The following USH2A variants were observed in gnomAD, a reference collection of about 807,000 sequenced individuals.
The protein encoded by USH2A is Usher syndrome 2A (autosomal recessive, mild).
A neutral mutation model predicts 538.9 loss-of-function variants in USH2A; 443 were observed. The observed-to-expected ratio is 0.82, with a 90% CI of 0.76 to 0.89. The LOEUF (loss-of-function observed/expected upper bound fraction) is 0.89, where lower values mean the gene tolerates loss of function less well. Among genes scored for constraint, USH2A ranks in the 40% least tolerant of loss-of-function variants. USH2A has a pLI of 0.00. For synonymous variants in USH2A, 2,413 were observed against 2,273.5 expected (o/e 1.06, Z -1.75); for missense variants, 6,633 against 6,324.8 (o/e 1.05, Z -1.65).
intron 38 of USH2A, among the ~76,000 whole-genome samples, chr1:215,933,085 A>T (rs1666404229): frequency 6.6e-6 from 1 of 152,036 alleles, no homozygotes; most frequent in Non-Finnish European, 1.5e-5. Context: ...TTTAATCAGT[A>T]TAAATACCCT....
intron 21 of USH2A, among the ~76,000 whole-genome samples, chr1:216,168,885 C>G (rs1184459705): frequency 6.6e-6 from 1 of 151,994 alleles, no homozygotes; most frequent in Non-Finnish European, 1.5e-5. Context: ...ATTTCATGTC[C>G]GACCCAACCA....
At chr1:215,899,463 T>A (rs1665435504) in intron 40 of USH2A, among the ~76,000 whole-genome samples, 1 of 152,232 alleles carries the variant, frequency 6.6e-6, no homozygotes, top group Admixed American at 6.5e-5. Context: ...AATGTTATAG[T>A]CATGTATTTA....
chr1:216,001,361 T>G (rs1668262596), intron 32 of USH2A, among the ~76,000 whole-genome samples: 1 of 152,152 alleles, frequency 6.6e-6, no homozygotes. Flanking sequence ...ACCATGAGAC[T>G]AGGGTAGTGC....
chr1:216,339,376 C>T (rs1195042001), intron 4 of USH2A, among the ~76,000 whole-genome samples: 2 of 151,470 alleles, frequency 1.3e-5, no homozygotes, highest in Non-Finnish European at 3.0e-5. Flanking sequence ...TTTGAAATAG[C>T]CAATGTTTGA....
chr1:215,938,603 G>C (rs539365629), intron 37 of USH2A, among the ~76,000 whole-genome samples: 1 of 152,114 alleles, frequency 6.6e-6, no homozygotes, highest in Admixed American at 6.6e-5. Flanking sequence ...GACCATTCCT[G>C]TCTGGTTGGC....
chr1:215,661,933 C>T (rs962979472), intron 64 of USH2A, among the ~76,000 whole-genome samples: 4 of 152,136 alleles, frequency 2.6e-5, no homozygotes, highest in Admixed American at 1.3e-4. Flanking sequence ...CAAACATCAA[C>T]GTTCCTAGCC....
At chr1:216,260,921 G>GA (rs929936815) in intron 11 of USH2A, among the ~76,000 whole-genome samples, 49 of 152,204 alleles carry the variant, frequency 3.2e-4, no homozygotes, top group Non-Finnish European at 5.9e-4. Flanking sequence ...GAAACTGGCA[G>GA]AAAAATACTA....
chr1:216,077,210 T>C (rs1378635798), intron 27 of USH2A, among the ~76,000 whole-genome samples: 1 of 152,170 alleles, frequency 6.6e-6, no homozygotes, highest in Non-Finnish European at 1.5e-5. Context: ...CAGATATTGT[T>C]AGCCTTTTCA....
At chr1:216,079,407 T>C (rs1344112225) in intron 26 of USH2A, among the ~76,000 whole-genome samples, 3 of 152,088 alleles carry the variant, frequency 2.0e-5, no homozygotes, top group Admixed American at 2.0e-4. Flanking sequence ...TTTTGCTCCC[T>C]GGAAATTGGG....
chr1:215,895,457 G>A (rs1203365284), intron 40 of USH2A, among the ~76,000 whole-genome samples: 1 of 152,164 alleles, frequency 6.6e-6, no homozygotes, highest in Admixed American at 6.5e-5. Flanking sequence ...TGATGAATGT[G>A]TAGAATTATG....
intron 37 of USH2A, among the ~76,000 whole-genome samples, chr1:215,950,567 C>T (rs565149362): frequency 1.4e-3 from 198 of 146,258 alleles, no homozygotes; most frequent in Non-Finnish European, 2.4e-3. Flanking sequence ...GGTGCAATGG[C>T]GTGATCTTGG....
At chr1:215,816,131 T>C (rs1662852493) in intron 48 of USH2A, among the ~76,000 whole-genome samples, 1 of 152,062 alleles carries the variant, frequency 6.6e-6, no homozygotes. Flanking sequence ...AGTATTTTTC[T>C]TCTCAGAAAT....
At chr1:215,780,117 T>G (rs1661587132) in intron 54 of USH2A, 76 bp from the exon 55 acceptor site, 2 of 1,510,626 alleles carry the variant, frequency 1.3e-6, no homozygotes, top group Non-Finnish European at 1.8e-6. Context: ...ATGTCACTTT[T>G]GTTTTAAAAT....
chr1:216,233,784 T>C (rs114837292), intron 13 of USH2A, among the ~76,000 whole-genome samples: 30 of 152,268 alleles, frequency 2.0e-4, no homozygotes, highest in Non-Finnish European at 2.9e-4. Flanking sequence ...TTAACTGTTA[T>C]AGAATTAGAA....
chr1:215,661,874 GA>G lies in USH2A; in HGVS notation c.14133+9097del, dbSNP rs201303731. Among the ~76,000 whole-genome samples the G allele has an allele frequency of 2.2e-3, 330 of 152,224 alleles. 3 individuals are homozygous for G. In the East Asian group the frequency reaches 0.025, roughly 12 times the overall value. ...AAATCGTGCTGTCCCTGAAGATAAA[GA>G]AGCTGCTTCTTCCTCCCTGGGTCTG... On this transcript the variant is annotated intron_variant, in intron 64 of 71. Transcript: ENST00000307340.
intron 44 of USH2A, among the ~76,000 whole-genome samples, chr1:215,853,248 G>T (rs115389838): frequency 0.012 from 1,798 of 152,328 alleles, 41 homozygotes; most frequent in African/African-American, 0.041. Flanking sequence ...CTTGGGGGTT[G>T]CACCCTCTGA....
At position 215,741,362 on chromosome 1, in the gene USH2A, C is replaced by A; in HGVS notation, c.11711+13G>T. Reference sequence around the variant, plus strand: ...CTTAAATAACTAAAAATAATAGTAACAGCCAATCTTACCTGTAAATAAAGT... The same window carrying A: ...CTTAAATAACTAAAAATAATAGTAAAAGCCAATCTTACCTGTAAATAAAGT... On this transcript the variant is annotated intron_variant, in intron 60 of 71. Transcript: ENST00000307340. 1 of 1,612,900 alleles carries A rather than the reference C, an allele frequency of 6.2e-7. No individual in the cohort carries two copies. Among genetic ancestry groups the A allele is most frequent in the Non-Finnish European group, 8.5e-7 (1 of 1,179,266 alleles).
intron 11 of USH2A, among the ~76,000 whole-genome samples, chr1:216,260,845 C>T (rs1244061553): frequency 6.6e-6 from 1 of 152,102 alleles, no homozygotes; most frequent in African/African-American, 2.4e-5. Flanking sequence ...CTCCCCTTTA[C>T]CACCACAACT....
chr1:216,415,616 G>A (rs1224498705), intron 3 of USH2A, among the ~76,000 whole-genome samples: 1 of 149,256 alleles, frequency 6.7e-6, no homozygotes, highest in Non-Finnish European at 1.5e-5. Flanking sequence ...CCAGGCTTAG[G>A]TGATCTTTTC....
Sources: allele counts gnomAD v4.1 joint callset (sites outside exome capture counted in the v4.1 genomes callset), GRCh38; gene constraint gnomAD v4.1.1; transcripts MANE v1.5; gene names NCBI Gene and HGNC (gene_info 2026-07-23, HGNC 2026-07-21).